Variants in KIF15 observed in about 807,000 individuals in gnomAD.
The protein encoded by KIF15 is kinesin-like protein KIF15.
In KIF15, 140 loss-of-function variants were observed where a neutral mutation model predicts 190.6. The observed-to-expected ratio is 0.73, with a 90% CI of 0.64 to 0.84. The LOEUF (loss-of-function observed/expected upper bound fraction) is 0.84, where lower values mean the gene tolerates loss of function less well. KIF15 is among the 40% of genes least tolerant of loss of function. The pLI, the probability that KIF15 is intolerant of heterozygous loss-of-function variation, is 0.00. For missense variants in KIF15, 1,372 were observed against 1,584.4 expected, an observed-to-expected ratio of 0.87 and a Z score of 2.28; for synonymous variants, 528 against 551.3, an observed-to-expected ratio of 0.96 and a Z score of 0.59.
intron 16 of KIF15, among the ~76,000 whole-genome samples, chr3:44,808,438 C>T (rs1040748490): frequency 6.6e-6 from 1 of 152,098 alleles, no homozygotes; most frequent in Admixed American, 6.5e-5. Flanking sequence ...GTTAAAATTC[C>T]TTTTCAGCAT....
intron 10 of KIF15, among the ~76,000 whole-genome samples, chr3:44,798,533 G>A (rs888749423): frequency 4.6e-5 from 7 of 151,772 alleles, no homozygotes; most frequent in Admixed American, 6.6e-5. Flanking sequence ...GGATGATCTC[G>A]ATCTCCTGAC....
chr3:44,844,404 T>C (rs1575684669), intron 30 of KIF15, among the ~76,000 whole-genome samples: 1 of 152,224 alleles, frequency 6.6e-6, no homozygotes, highest in Non-Finnish European at 1.5e-5. Context: ...CTGATGTAGG[T>C]AGTCCACAGT....
rs777631373 is a variant in KIF15, at chr3:44,801,508, A to T, written c.1281A>T (p.Lys427Asn). 1 of 1,569,700 alleles carries T rather than the reference A, an allele frequency of 6.4e-7. No homozygotes were observed. Among genetic ancestry groups the T allele is most frequent in the South Asian group, 1.1e-5 (1 of 89,914 alleles). ...YFQEAMLFFK[K>N]SEQEKKSLIE... ...AGGAAGCAATGTTATTCTTTAAGAAATCTGAACAGGAAAAGAAGGTAGGAA... is the reference window on the plus strand; with the variant it reads ...AGGAAGCAATGTTATTCTTTAAGAATTCTGAACAGGAAAAGAAGGTAGGAA... Residue 427 changes from lysine (K) to asparagine (N), a missense_variant, in exon 12 of 35, where the codon AAA becomes AAT. Transcript: ENST00000326047.
chr3:44,770,601 A>G (rs1209989307), intron 1 of KIF15, among the ~76,000 whole-genome samples: 1 of 152,244 alleles, frequency 6.6e-6, no homozygotes, highest in Non-Finnish European at 1.5e-5. Context: ...ACTCCTTAAA[A>G]GGAAGCATAC....
chr3:44,865,079 G>A, intron 6 of KIF15: 1 of 1,614,138 alleles, frequency 6.2e-7, no homozygotes, highest in Non-Finnish European at 8.5e-7. Flanking sequence ...GTGCCAGGAG[G>A]TCTTGTGGTG....
chr3:44,812,193 T>C lies in KIF15; in HGVS notation c.2181T>C (p.Ser727=), dbSNP rs752300811. The change falls in exon 18 of 35, where the codon AGT becomes AGC. Residue 727 remains serine (S), a synonymous_variant. Coordinates refer to ENST00000326047, the MANE Select transcript of KIF15 (RefSeq NM_020242.3). ...EELRTVQEQM[S]ALQAKLDEEE... ...TTTTTGTGTTGCAGGAACAAATGAGTGCTCTTCAAGCCAAACTGGATGAAG... is the reference window on the plus strand; with the variant it reads ...TTTTTGTGTTGCAGGAACAAATGAGCGCTCTTCAAGCCAAACTGGATGAAG... 9 of 1,611,792 alleles carry C rather than the reference T, an allele frequency of 5.6e-6. No homozygotes were observed. Among genetic ancestry groups the C allele is most frequent in the Non-Finnish European group, 6.8e-6 (8 of 1,179,150 alleles).
chr3:44,842,190 T>C (rs1387363924), intron 29 of KIF15, among the ~76,000 whole-genome samples: 1 of 152,256 alleles, frequency 6.6e-6, no homozygotes, highest in Non-Finnish European at 1.5e-5. Flanking sequence ...ATAGGCATTT[T>C]TATATATTAG....
chr3:44,814,855 G>C, intron 19 of KIF15, 56 bp from the exon 20 acceptor site: 2 of 1,437,802 alleles, frequency 1.4e-6, no homozygotes, highest in Non-Finnish European at 1.9e-6. Flanking sequence ...GTACCTATCA[G>C]ATTTATTTGT....
Position 44,784,912 on chromosome 3 carries a change from G to A in KIF15, c.429G>A (p.Leu143=). 6.4e-7 allele frequency: 1 copy of A among 1,570,794 alleles called. No individual in the cohort carries two copies. Among genetic ancestry groups the A allele is most frequent in the Non-Finnish European group, 8.7e-7 (1 of 1,152,096 alleles). The part of the protein sequence containing the change: ...RGVIPRSFEY[L]FSLIDREKEK... ...TAATCCCACGAAGTTTTGAATATTT[G>A]TTTTCCTTAATTGATCGTGAAAAAG... The change falls in exon 6 of 35, where the codon TTG becomes TTA. Residue 143 remains leucine, a synonymous_variant. Transcript: ENST00000326047.
chr3:44,849,760 A>C (rs1167011888), intron 32 of KIF15, among the ~76,000 whole-genome samples: 1 of 152,182 alleles, frequency 6.6e-6, no homozygotes. Flanking sequence ...ACAAATTGAA[A>C]GTAATTTGTA....
chr3:44,765,772 T>A (rs1207164564), intron 1 of KIF15, among the ~76,000 whole-genome samples: 3 of 152,174 alleles, frequency 2.0e-5, no homozygotes, highest in Admixed American at 6.5e-5. Context: ...CTTGAATGTC[T>A]TCCTAATTAC....
rs72875734 is a variant in KIF15 at position 44,801,451 on chromosome 3, C to T, written c.1224C>T (p.Asp408=). 4.5e-6 allele frequency: 7 copies of T among 1,539,510 alleles called. No homozygotes were observed. Among genetic ancestry groups the T allele is most frequent in the Non-Finnish European group, 6.3e-6 (7 of 1,119,682 alleles). ...QTPPESFLTR[D]KKKTNYMEYF... is the part of the protein sequence containing the mutation. ...CCTTTCTTATTGGATCAATTACAGA[C>T]AAAAAGAAGACTAACTATATGGAGT... is the stretch of plus-strand genomic sequence containing the variant. The change falls in exon 12 of 35, where the codon GAC becomes GAT. Residue 408 remains aspartate, a splice_region_variant and synonymous_variant. Transcript: ENST00000326047.
chr3:44,826,273 G>A (rs1006522225), intron 21 of KIF15, 84 bp downstream of exon 21: 1 of 1,556,224 alleles, frequency 6.4e-7, no homozygotes, highest in African/African-American at 1.4e-5. Flanking sequence ...CTCCTTCTTT[G>A]CTATACTTGC....
At chr3:44,778,399 T>C (rs1216650826) in intron 4 of KIF15, among the ~76,000 whole-genome samples, 3 of 152,214 alleles carry the variant, frequency 2.0e-5, no homozygotes, top group African/African-American at 7.2e-5. Context: ...CTTGTTGCTT[T>C]CTGGAAAATT....
At chr3:44,859,381 C>T (rs565108680) in intron 6 of KIF15, among the ~76,000 whole-genome samples, 4 of 152,046 alleles carry the variant, frequency 2.6e-5, no homozygotes, top group African/African-American at 9.7e-5. Context: ...TTGGAGCTGG[C>T]GGCTTGGGTG....
chr3:44,854,794 T>C (rs886822107), downstream of KIF15, among the ~76,000 whole-genome samples: 5 of 152,210 alleles, frequency 3.3e-5, no homozygotes, highest in Non-Finnish European at 7.3e-5. Context: ...TCTTAGCTTC[T>C]GGTGTTGTCA....
downstream of KIF15, among the ~76,000 whole-genome samples, chr3:44,856,183 G>A (rs531071322): frequency 2.6e-5 from 4 of 151,542 alleles, no homozygotes; most frequent in African/African-American, 9.6e-5. Flanking sequence ...TGGGAAAGGT[G>A]TCTACCCATC....
At chr3:44,849,802 G>C (rs181469794) in intron 32 of KIF15, among the ~76,000 whole-genome samples, 12 of 152,078 alleles carry the variant, frequency 7.9e-5, no homozygotes, top group Middle Eastern at 3.4e-3. Context: ...GCTTTGTTAT[G>C]TTTATTACCA....
intron 11 of KIF15, among the ~76,000 whole-genome samples, chr3:44,801,211 G>A (rs555070308): frequency 2.1e-5 from 3 of 145,032 alleles, no homozygotes; most frequent in East Asian, 2.1e-4. Context: ...GGGGCGGCGG[G>A]AGGGGGGGGT....
Sources: gnomAD v4.1 joint callset for allele counts (sites outside exome capture counted in the v4.1 genomes callset) on GRCh38, gnomAD v4.1.1 for gene constraint, MANE v1.5 for transcripts, NCBI Gene and HGNC (gene_info 2026-07-23, HGNC 2026-07-21) for gene names.